Variants in DLGAP1 observed in about 807,000 individuals in gnomAD.
DLGAP1 encodes DLG associated protein 1.
In DLGAP1, 11 loss-of-function variants were observed where a neutral mutation model predicts 90.8. The observed-to-expected ratio is 0.12, with a 90% CI of 0.08 to 0.20. The LOEUF (loss-of-function observed/expected upper bound fraction) is 0.20, where lower values mean the gene tolerates loss of function less well. Ranked by LOEUF, DLGAP1 falls within the 10% of genes least tolerant of loss-of-function variation. The pLI is 1.00. For missense variants in DLGAP1, 1,050 were observed against 1,333.8 expected (o/e 0.79, Z 3.31); for synonymous variants, 558 against 540.7 (o/e 1.03, Z -0.44).
At chr18:3,757,412 TTAAA>T (rs889066899) in intron 5 of DLGAP1, among the ~76,000 whole-genome samples, 1 of 151,618 alleles carries the variant, frequency 6.6e-6, no homozygotes, top group Non-Finnish European at 1.5e-5. Flanking sequence ...CCACCTCAAA[TTAAA>T]TAAATAAATA....
intron 1 of DLGAP1, among the ~76,000 whole-genome samples, chr18:4,439,935 G>A (rs1396717118): frequency 6.6e-6 from 1 of 151,340 alleles, no homozygotes; most frequent in Non-Finnish European, 1.5e-5. Flanking sequence ...TGGCTAACAC[G>A]GTGAAACCCC....
At chr18:4,091,172 T>C (rs2075768486) in intron 2 of DLGAP1, among the ~76,000 whole-genome samples, 1 of 152,146 alleles carries the variant, frequency 6.6e-6, no homozygotes, top group Non-Finnish European at 1.5e-5. Context: ...GTTGATAGGT[T>C]CAATAACCTA....
intron 2 of DLGAP1, among the ~76,000 whole-genome samples, chr18:4,123,990 G>A (rs984893450): frequency 6.6e-6 from 1 of 152,140 alleles, no homozygotes; most frequent in Non-Finnish European, 1.5e-5. Context: ...CGCTCCTAGA[G>A]GAAGCAATAT....
chr18:4,029,122 T>C (rs2074751525), intron 2 of DLGAP1, among the ~76,000 whole-genome samples: 1 of 152,238 alleles, frequency 6.6e-6, no homozygotes, highest in African/African-American at 2.4e-5. Flanking sequence ...TGTCTTTCTA[T>C]GCCTGGCTTA....
intron 7 of DLGAP1, among the ~76,000 whole-genome samples, chr18:3,602,606 A>AC (rs1370699022): frequency 2.0e-5 from 3 of 151,524 alleles, no homozygotes; most frequent in Admixed American, 2.0e-4. Context: ...AAAAAAAAAA[A>AC]AAAAAAAAAA....
At chr18:4,336,116 C>T (rs1363911313) in intron 1 of DLGAP1, among the ~76,000 whole-genome samples, 4 of 152,194 alleles carry the variant, frequency 2.6e-5, no homozygotes, top group East Asian at 3.8e-4. Flanking sequence ...TTACAGTGCA[C>T]GTGCCGACAA....
chr18:4,257,904 C>T (rs577236504), intron 1 of DLGAP1, among the ~76,000 whole-genome samples: 3 of 151,780 alleles, frequency 2.0e-5, no homozygotes, highest in East Asian at 1.9e-4. Context: ...GGATTACAGG[C>T]GTGAGCTACT....
intron 7 of DLGAP1, among the ~76,000 whole-genome samples, chr18:3,722,847 G>T (rs991662798): frequency 6.6e-6 from 1 of 152,094 alleles, no homozygotes; most frequent in Non-Finnish European, 1.5e-5. Context: ...CTGGGAAGAG[G>T]ATCAGCATTG....
Position 4,291,017 on chromosome 18 carries a change from G to A in DLGAP1, c.-266-139730C>T, listed in dbSNP as rs1280722476. Among the ~76,000 whole-genome samples the A allele has an allele frequency of 2.0e-5, 3 of 152,150 alleles. No individual in the cohort carries two copies. The East Asian group carries it at 5.8e-4, about 29-fold the overall frequency. ...AATCTTTTTAAAAAACAAAAGCATA[G>A]TAAGGGGAGGAATAGGAAGACCTTA... On this transcript the variant is annotated intron_variant, in intron 1 of 12. Coordinates refer to ENST00000315677, the MANE Select transcript of DLGAP1 (RefSeq NM_004746.4).
At chr18:4,395,553 G>A (rs2082422938) in intron 1 of DLGAP1, among the ~76,000 whole-genome samples, 1 of 152,156 alleles carries the variant, frequency 6.6e-6, no homozygotes, top group Non-Finnish European at 1.5e-5. Flanking sequence ...CATTAACATG[G>A]TTCTCTGTAA....
chr18:4,296,383 GAC>G (rs1003534653), intron 1 of DLGAP1, among the ~76,000 whole-genome samples: 23 of 152,250 alleles, frequency 1.5e-4, no homozygotes, highest in African/African-American at 5.3e-4. Context: ...TGTTGGAAAA[GAC>G]ACAGCAGGTT....
intron 1 of DLGAP1, among the ~76,000 whole-genome samples, chr18:4,315,559 T>G (rs1226631328): frequency 6.6e-6 from 1 of 152,234 alleles, no homozygotes; most frequent in Non-Finnish European, 1.5e-5. Flanking sequence ...ATCTTTTAAG[T>G]ATTATACATT....
At chr18:3,959,427 A>G (rs1301202760) in intron 3 of DLGAP1, among the ~76,000 whole-genome samples, 2 of 151,838 alleles carry the variant, frequency 1.3e-5, no homozygotes, top group African/African-American at 2.4e-5. Context: ...AGCACTTTGG[A>G]AGGCCGAGGT....
intron 3 of DLGAP1, among the ~76,000 whole-genome samples, chr18:3,937,229 G>A (rs537856507): frequency 6.6e-6 from 1 of 152,260 alleles, no homozygotes; most frequent in East Asian, 1.9e-4. Context: ...CTGTTCTCAG[G>A]CTGCTAATAA....
chr18:3,874,201 C>T (rs765829482), intron 4 of DLGAP1: 2 of 1,550,102 alleles, frequency 1.3e-6, no homozygotes, highest in South Asian at 2.4e-5. Context: ...ACTGAAGAAA[C>T]CCACTCAGCC....
intron 2 of DLGAP1, among the ~76,000 whole-genome samples, chr18:4,019,683 G>C (rs575801753): frequency 6.6e-6 from 1 of 152,186 alleles, no homozygotes; most frequent in East Asian, 1.9e-4. Flanking sequence ...CTAATTATTA[G>C]AATATATCAT....
intron 1 of DLGAP1, among the ~76,000 whole-genome samples, chr18:4,254,207 C>G (rs1568473555): frequency 6.6e-6 from 1 of 152,132 alleles, no homozygotes; most frequent in East Asian, 1.9e-4. Flanking sequence ...GTGATTGTCC[C>G]CTCCAAGTGC....
At chr18:4,059,852 G>T (rs1222586154) in intron 2 of DLGAP1, among the ~76,000 whole-genome samples, 1 of 152,216 alleles carries the variant, frequency 6.6e-6, no homozygotes, top group Non-Finnish European at 1.5e-5. Flanking sequence ...AAGGAGGACA[G>T]GGCTAAGGAG....
rs560477238 is a variant in DLGAP1 at position 4,008,228 on chromosome 18, C to T, written c.-158-3027G>A. Among the ~76,000 whole-genome samples the T allele has an allele frequency of 2.3e-3, 328 of 145,090 alleles. 3 individuals are homozygous for T. Among genetic ancestry groups the T allele is most frequent in the East Asian group, 0.02 (101 of 5,058 alleles). On this transcript the variant is annotated intron_variant, in intron 2 of 12. Coordinates refer to ENST00000315677, the MANE Select transcript of DLGAP1 (RefSeq NM_004746.4). ...GTAAATAAATAAATATATATATATA[C>T]ACACACACACACACACACACACTCA... is the stretch of plus-strand genomic sequence containing the variant.
Sources: allele counts gnomAD v4.1 joint callset (sites outside exome capture counted in the v4.1 genomes callset), GRCh38; gene constraint gnomAD v4.1.1; transcripts MANE v1.5; gene names NCBI Gene and HGNC (gene_info 2026-07-23, HGNC 2026-07-21).